The following RBM33 variants were observed in gnomAD, a reference collection of about 807,000 sequenced individuals.
RBM33 encodes RNA binding motif protein 33.
Under a neutral mutation model 132.6 loss-of-function variants are expected in RBM33, and 28 were observed. The observed-to-expected ratio is 0.21, with a 90% CI of 0.16 to 0.29. The LOEUF (loss-of-function observed/expected upper bound fraction) is 0.29, where lower values mean the gene tolerates loss of function less well. Among genes scored for constraint, RBM33 ranks in the 10% least tolerant of loss-of-function variants. The pLI is 1.00. For missense variants in RBM33, 1,291 were observed against 1,518.5 expected (o/e 0.85, Z 2.49); for synonymous variants, 634 against 593.0 (o/e 1.07, Z -1.01).
At chr7:155,733,124 G>T (rs555852530) in intron 9 of RBM33, among the ~76,000 whole-genome samples, 1 of 152,236 alleles carries the variant, frequency 6.6e-6, no homozygotes, top group Non-Finnish European at 1.5e-5. Context: ...TTGCATTTTG[G>T]CTGAGACAGA....
At chr7:155,673,804 CT>C (rs1736115834) in intron 3 of RBM33, among the ~76,000 whole-genome samples, 2 of 94,122 alleles carry the variant, frequency 2.1e-5, no homozygotes, top group South Asian at 8.4e-4. Flanking sequence ...ACACACACCC[CT>C]ACCAGTATAT....
At chr7:155,721,740 T>G (rs1800634125) in intron 9 of RBM33, among the ~76,000 whole-genome samples, 1 of 152,126 alleles carries the variant, frequency 6.6e-6, no homozygotes, top group African/African-American at 2.4e-5. Context: ...GTAAAATTAT[T>G]TAAAATTATT....
Position 155,744,997 on chromosome 7 carries a change from T to C in RBM33, c.2374T>C (p.Leu792=). 1 of 1,598,926 alleles carries C rather than the reference T, an allele frequency of 6.3e-7. No individual in the cohort carries two copies. Among genetic ancestry groups the C allele is most frequent in the Non-Finnish European group, 8.5e-7 (1 of 1,175,394 alleles). The change falls in exon 14 of 18, where the codon TTA becomes CTA. Residue 792 remains leucine (L), a synonymous_variant. Transcript: ENST00000401878. ...AGATGAGGAAACAAGGTTATATCGCTTAAAGATAGAAGAACAGAAACGCCT... is the reference window on the plus strand; with the variant it reads ...AGATGAGGAAACAAGGTTATATCGCCTAAAGATAGAAGAACAGAAACGCCT... ...DEDEETRLYR[L]KIEEQKRLRE...
intron 2 of RBM33, among the ~76,000 whole-genome samples, chr7:155,672,018 A>G (rs984245956): frequency 2.6e-5 from 4 of 152,128 alleles, no homozygotes; most frequent in Middle Eastern, 3.2e-3. Context: ...ATTGCAAATC[A>G]CTGATACGAC....
intron 1 of RBM33, among the ~76,000 whole-genome samples, chr7:155,662,867 G>A (rs1798692300): frequency 6.6e-6 from 1 of 152,192 alleles, no homozygotes; most frequent in Non-Finnish European, 1.5e-5. Context: ...AGCTGAGTGG[G>A]GAGGGCGTCC....
intron 3 of RBM33, among the ~76,000 whole-genome samples, chr7:155,677,402 G>T (rs563756569): frequency 8.0e-4 from 122 of 152,006 alleles, no homozygotes; most frequent in African/African-American, 2.8e-3. Context: ...TAGAGTCAGG[G>T]TTTCACCATG....
At chr7:155,659,961 C>CT (rs1173982485) in intron 1 of RBM33, among the ~76,000 whole-genome samples, 2 of 152,172 alleles carry the variant, frequency 1.3e-5, no homozygotes, top group Non-Finnish European at 2.9e-5. Flanking sequence ...CTGTATGTGT[C>CT]TGTTTGTCCC....
chr7:155,660,495 T>C (rs571608008), intron 1 of RBM33, among the ~76,000 whole-genome samples: 5 of 152,378 alleles, frequency 3.3e-5, no homozygotes, highest in African/African-American at 1.2e-4. Flanking sequence ...CTTCCTGTTC[T>C]GTTCATCTGT....
intron 9 of RBM33, among the ~76,000 whole-genome samples, chr7:155,720,858 A>T (rs1470693122): frequency 6.6e-6 from 1 of 152,124 alleles, no homozygotes; most frequent in African/African-American, 2.4e-5. Context: ...TTCAATCAAT[A>T]TTTGTCAAAC....
intron 9 of RBM33, among the ~76,000 whole-genome samples, chr7:155,721,525 A>G (rs931632942): frequency 6.6e-6 from 1 of 152,122 alleles, no homozygotes; most frequent in Non-Finnish European, 1.5e-5. Flanking sequence ...CCAATTGACT[A>G]AAAGAGTTAA....
chr7:155,771,574 A>T (rs536052745), intron 16 of RBM33, among the ~76,000 whole-genome samples: 2 of 152,176 alleles, frequency 1.3e-5, no homozygotes, highest in African/African-American at 4.8e-5. Flanking sequence ...AGCTACGTAG[A>T]TTACAAGTAA....
intron 5 of RBM33, among the ~76,000 whole-genome samples, chr7:155,682,168 G>A (rs543110127): frequency 1.3e-5 from 2 of 152,204 alleles, no homozygotes; most frequent in South Asian, 2.1e-4. Context: ...TTATCCGCCC[G>A]CCTCGTCCTC....
At chr7:155,675,797 G>A (rs1442650905) in intron 3 of RBM33, among the ~76,000 whole-genome samples, 2 of 152,088 alleles carry the variant, frequency 1.3e-5, no homozygotes, top group African/African-American at 4.8e-5. Flanking sequence ...TTCTTGTCTT[G>A]TATTGCCAAT....
intron 9 of RBM33, among the ~76,000 whole-genome samples, chr7:155,725,224 T>G (rs1800759390): frequency 7.7e-6 from 1 of 130,366 alleles, no homozygotes; most frequent in Admixed American, 8.0e-5. Flanking sequence ...TTTTTTTTTT[T>G]GAATGAGGAA....
chr7:155,755,924 C>T (rs1347494723), intron 14 of RBM33, among the ~76,000 whole-genome samples: 3 of 151,858 alleles, frequency 2.0e-5, no homozygotes, highest in East Asian at 1.9e-4. Flanking sequence ...GTCTAAAAAG[C>T]GATTTTTATA....
At chr7:155,711,164 G>A in intron 7 of RBM33, 39 bp from the exon 8 acceptor site, 1 of 1,418,404 alleles carries the variant, frequency 7.1e-7, no homozygotes, top group Non-Finnish European at 9.2e-7. Flanking sequence ...TTTTTTTTGT[G>A]ATTTGTAGAC....
At chr7:155,668,253 G>C (rs548150753) in intron 2 of RBM33, among the ~76,000 whole-genome samples, 174 of 152,236 alleles carry the variant, frequency 1.1e-3, no homozygotes, top group South Asian at 0.011. Flanking sequence ...CTTTTTGATG[G>C]TTTGAATTGG....
chr7:155,673,940 G>GTTGTTGTTTGTTTTTGTTTTTTTTTTTT lies in RBM33; in HGVS notation c.171+1027_171+1028insGTTGTTTGTTTTTGTTTTTTTTTTTTTT. Among the ~76,000 whole-genome samples, 6 of 54,214 alleles carry GTTGTTGTTTGTTTTTGTTTTTTTTTTTT rather than the reference G, an allele frequency of 1.1e-4. 1 individual carries two copies. Among genetic ancestry groups the GTTGTTGTTTGTTTTTGTTTTTTTTTTTT allele is most frequent in the Non-Finnish European group, 1.6e-4 (5 of 30,838 alleles). 35.6% of individuals were successfully genotyped at this position (54,214 alleles called of 152,430 possible). On this transcript the variant is annotated intron_variant, in intron 3 of 17. Coordinates refer to ENST00000401878, the MANE Select transcript of RBM33 (RefSeq NM_053043.3). ...TCATTATCAAGATAGTTTAGGCTTA[G>GTTGTTGTTTGTTTTTGTTTTTTTTTTTT]TTTTTTTTTTTTTTTTTTTTTTTTT...
intron 9 of RBM33, among the ~76,000 whole-genome samples, 177 bp from the exon 10 acceptor site, chr7:155,737,353 C>CTGTGTGTGTGTG (rs59512454): frequency 0.021 from 3,009 of 142,886 alleles, 104 homozygotes; most frequent in African/African-American, 0.073. Flanking sequence ...ATGCATGACT[C>CTGTGTGTGTGTG]TGTGTGTGTG....
Sources: gnomAD v4.1 joint callset for allele counts (sites outside exome capture counted in the v4.1 genomes callset) on GRCh38, gnomAD v4.1.1 for gene constraint, MANE v1.5 for transcripts, NCBI Gene and HGNC (gene_info 2026-07-23, HGNC 2026-07-21) for gene names.